ZC3H13: variants seen among roughly 807,000 people sequenced by gnomAD.
ZC3H13 encodes the protein zinc finger CCCH domain-containing protein 13.
In ZC3H13, 64 loss-of-function variants were observed where a neutral mutation model predicts 204.1. The ratio of observed to expected loss-of-function variants is 0.31; its 90% CI spans 0.26 to 0.39. The LOEUF is 0.39. ZC3H13 is among the 10% of genes least tolerant of loss of function. The pLI, the probability that ZC3H13 is intolerant of heterozygous loss-of-function variation, is 1.00. For missense variants in ZC3H13, 1,833 were observed against 2,082.7 expected, an observed-to-expected ratio of 0.88 and a Z score of 2.33; for synonymous variants, 667 against 693.7, an observed-to-expected ratio of 0.96 and a Z score of 0.60.
intron 1 of ZC3H13, among the ~76,000 whole-genome samples, chr13:46,048,599 A>AAAAC (rs2044170086): frequency 6.6e-6 from 1 of 151,118 alleles, no homozygotes; most frequent in South Asian, 2.1e-4. Flanking sequence ...AAAAAAAAAA[A>AAAAC]AAAAAACTTT....
chr13:45,989,977 A>G (rs2039855503), intron 8 of ZC3H13, among the ~76,000 whole-genome samples: 1 of 152,224 alleles, frequency 6.6e-6, no homozygotes, highest in Non-Finnish European at 1.5e-5. Flanking sequence ...AAAAATTCTG[A>G]TTTTTTAAGT....
intron 9 of ZC3H13, among the ~76,000 whole-genome samples, chr13:45,988,553 G>A (rs929436423): frequency 6.6e-6 from 1 of 152,114 alleles, no homozygotes; most frequent in African/African-American, 2.4e-5. Context: ...CACTGCACCC[G>A]GCCAGAACAT....
chr13:46,017,108 T>C (rs964017920), intron 5 of ZC3H13, among the ~76,000 whole-genome samples: 3 of 152,062 alleles, frequency 2.0e-5, no homozygotes, highest in Non-Finnish European at 2.9e-5. Flanking sequence ...TCACTACACG[T>C]ACGACGTTAA....
In ZC3H13 at chr13:45,957,141, G is replaced by T. The variant is rs771756516; in HGVS notation, c.4996C>A (p.Leu1666Met). ...KLSQSSIQQE[L>M]CVS is the part of the protein sequence containing the mutation. ...GAACTTCGGTCTTAAGACACACACA[G>T]TTCCTGTTGGATACTGGACTGTGAA... is the stretch of plus-strand genomic sequence containing the variant. Residue 1666 changes from leucine to methionine, a missense_variant, in exon 19 of 19, where the codon CTG becomes ATG. Leu to Met is a conservative substitution (Grantham distance 15). Coordinates refer to ENST00000679008, the MANE Select transcript of ZC3H13 (RefSeq NM_001330564.2). 5.9e-5 allele frequency: 90 copies of T among 1,534,748 alleles called. No individual in the cohort carries two copies. Among genetic ancestry groups the T allele is most frequent in the Middle Eastern group, 1.7e-4 (1 of 5,964 alleles).
chr13:45,984,884 C>T (rs796530307), intron 10 of ZC3H13, among the ~76,000 whole-genome samples: 3 of 152,286 alleles, frequency 2.0e-5, no homozygotes, highest in African/African-American at 7.2e-5. Context: ...AGTACAAATA[C>T]TGAAGAATAC....
chr13:46,011,602 T>A, intron 5 of ZC3H13, 48 bp from the exon 6 acceptor site: 4 of 1,446,350 alleles, frequency 2.8e-6, no homozygotes, highest in Non-Finnish European at 3.7e-6. Context: ...TAATTATCTA[T>A]GCCAAAAATC....
At chr13:45,983,648 C>T (rs1045424751) in intron 10 of ZC3H13, among the ~76,000 whole-genome samples, 19 of 150,272 alleles carry the variant, frequency 1.3e-4, no homozygotes, top group African/African-American at 3.9e-4. Context: ...AGGATGGTCT[C>T]GATCTCCTGA....
At chr13:46,015,340 T>C (rs1440284441) in intron 5 of ZC3H13, among the ~76,000 whole-genome samples, 1 of 152,018 alleles carries the variant, frequency 6.6e-6, no homozygotes, top group Non-Finnish European at 1.5e-5. Context: ...CTAGGCCGTC[T>C]TTTTCTTATG....
At position 45,956,987 on chromosome 13, in the gene ZC3H13, C is replaced by A. The variant is rs1481562250; in HGVS notation, c.*140G>T. 4.3e-5 allele frequency: 34 copies of A among 797,150 alleles called. No individual in the cohort carries two copies. The East Asian group carries it at 1.0e-3, about 25-fold the overall frequency. 49.4% of individuals were successfully genotyped at this position (797,150 alleles called of 1,614,324 possible). On this transcript the variant is annotated 3_prime_UTR_variant, in exon 19 of 19. Coordinates refer to ENST00000679008, the MANE Select transcript of ZC3H13 (RefSeq NM_001330564.2). Reference sequence around the variant, plus strand: ...GGCCAAAACTAGTGTCTCTAAAGATCAAAATTCTTCACTCTTTTAGCATGG... The same window carrying A: ...GGCCAAAACTAGTGTCTCTAAAGATAAAAATTCTTCACTCTTTTAGCATGG...
At chr13:45,992,683 C>T (rs573721749) in intron 8 of ZC3H13, among the ~76,000 whole-genome samples, 10 of 152,250 alleles carry the variant, frequency 6.6e-5, no homozygotes, top group Admixed American at 3.3e-4. Context: ...TTTCTGGGCA[C>T]GTCTGTGAGG....
At position 45,985,648 on chromosome 13, in the gene ZC3H13, C is replaced by A; in HGVS notation, c.1369G>T (p.Asp457Tyr). ...RDDREPRDGR[D>Y]RRDARDTRDR... ...CTAGTATCTCTGGCATCTCTCCGAT[C>A]CCGACCATCTCGAGGTTCTCTGTCA... Residue 457 changes from aspartate (D) to tyrosine (Y), a missense_variant, in exon 10 of 19, where the codon GAT becomes TAT. Transcript: ENST00000679008. 1 of 1,613,978 alleles carries A rather than the reference C, an allele frequency of 6.2e-7. No individual in the cohort carries two copies. Among genetic ancestry groups the A allele is most frequent in the Non-Finnish European group, 8.5e-7 (1 of 1,180,010 alleles).
At chr13:45,975,916 T>G in intron 11 of ZC3H13, 78 bp from the exon 12 acceptor site, 1 of 1,378,774 alleles carries the variant, frequency 7.3e-7, no homozygotes, top group Non-Finnish European at 9.3e-7. Context: ...AAATCTTAAA[T>G]TTTATCTGTG....
chr13:45,965,779 T>A (rs1952028616), intron 15 of ZC3H13, among the ~76,000 whole-genome samples: 1 of 152,160 alleles, frequency 6.6e-6, no homozygotes, highest in Non-Finnish European at 1.5e-5. Flanking sequence ...CTCAGACAAA[T>A]CTAACTTCAA....
chr13:46,027,555 A>T (rs997767429), intron 4 of ZC3H13, among the ~76,000 whole-genome samples: 2 of 152,250 alleles, frequency 1.3e-5, no homozygotes, highest in Non-Finnish European at 2.9e-5. Context: ...TCAAAGAAAA[A>T]ATAAAGCCAG....
At chr13:46,033,498 A>G (rs1231238785) in intron 4 of ZC3H13, among the ~76,000 whole-genome samples, 1 of 66,240 alleles carries the variant, frequency 1.5e-5, no homozygotes, top group African/African-American at 8.8e-5. Flanking sequence ...AGCAGAAGAG[A>G]AAAATCATAC....
At chr13:45,998,907 T>A (rs376736885) in intron 8 of ZC3H13, among the ~76,000 whole-genome samples, 1 of 152,142 alleles carries the variant, frequency 6.6e-6, no homozygotes, top group Non-Finnish European at 1.5e-5. Flanking sequence ...CTGTAGCTTG[T>A]GATGCTGTTC....
rs1219295092 is a variant in ZC3H13, at chr13:45,956,711, C to T, written c.*416G>A. On this transcript the variant is annotated 3_prime_UTR_variant, in exon 19 of 19. Transcript: ENST00000679008. ...GTGGTCTGTACAACATAGTACTGCA[C>T]AATGTGAGCAATTACTTTGATGAAC... The T allele has an allele frequency of 6.5e-6, 1 of 153,672 alleles. No homozygotes were observed. The highest frequency in any genetic ancestry group is 1.4e-5 in the Non-Finnish European group (1 of 69,026). 9.5% of individuals were successfully genotyped at this position (153,672 alleles called of 1,614,324 possible).
In ZC3H13 at chr13:45,969,900, T is replaced by G; in HGVS notation, c.2644A>C (p.Thr882Pro). Residue 882 changes from threonine to proline, a missense_variant, in exon 14 of 19, where the codon ACA becomes CCA. Physicochemically the swap from Thr to Pro is conservative, Grantham distance 38 (BLOSUM62 -1). Transcript: ENST00000679008. ...TTCCATCTACCCTGTCTGTCTTCTG[T>G]GAGGTGCGAGGGACTAAGAGAACGA... The part of the protein sequence containing the change: ...ESRSLSPSHL[T>P]EDRQGRWKEE... 2 of 1,613,846 alleles carry G rather than the reference T, an allele frequency of 1.2e-6. No homozygotes were observed. The highest frequency in any genetic ancestry group is 1.7e-6 in the Non-Finnish European group (2 of 1,180,006).
chr13:46,010,330 A>G lies in ZC3H13; in HGVS notation c.746+18T>C, dbSNP rs748283290. 1.3e-6 allele frequency: 2 copies of G among 1,566,838 alleles called. No individual in the cohort carries two copies. Among genetic ancestry groups the G allele is most frequent in the Non-Finnish European group, 1.7e-6 (2 of 1,148,376 alleles). ...CAGAAAAAGCTATTTTCTCGATACT[A>G]TTTATCACCCTACTGACCTCTGCTG... On this transcript the variant is annotated intron_variant, in intron 7 of 18. Coordinates refer to ENST00000679008, the MANE Select transcript of ZC3H13 (RefSeq NM_001330564.2).
Sources: allele counts gnomAD v4.1 joint callset (sites outside exome capture counted in the v4.1 genomes callset), GRCh38; gene constraint gnomAD v4.1.1; transcripts MANE v1.5; gene names NCBI Gene and HGNC (gene_info 2026-07-23, HGNC 2026-07-21).